The following SERINC5 variants were observed in gnomAD, a reference collection of about 807,000 sequenced individuals.
SERINC5 encodes the protein chromosome 5 open reading frame 12.
A neutral mutation model predicts 63.1 loss-of-function variants in SERINC5; 41 were observed. That is an observed-to-expected ratio of 0.65 (90% CI 0.51 to 0.84). The LOEUF (loss-of-function observed/expected upper bound fraction) is 0.84, where lower values mean the gene tolerates loss of function less well. SERINC5 is among the 40% of genes least tolerant of loss of function. The pLI is 0.00. For missense variants in SERINC5, 523 were observed against 573.0 expected (o/e 0.91, Z 0.89); for synonymous variants, 222 against 215.2 (o/e 1.03, Z -0.28).
At chr5:80,207,447 G>A (rs193158621) in intron 1 of SERINC5, among the ~76,000 whole-genome samples, 7 of 152,306 alleles carry the variant, frequency 4.6e-5, no homozygotes, top group Admixed American at 6.5e-5. Context: ...TCTCCACAGA[G>A]GGAAAAATAA....
At position 80,159,451 on chromosome 5, in the gene SERINC5, T is replaced by C. The variant is rs562291618; in HGVS notation, c.860-489A>G. Among the ~76,000 whole-genome samples the C allele has an allele frequency of 2.2e-4, 34 of 152,268 alleles. 1 individual carries two copies. In the South Asian group the frequency reaches 7.0e-3, roughly 32 times the overall value. On this transcript the variant is annotated intron_variant, in intron 7 of 11. Coordinates refer to ENST00000507668, the MANE Select transcript of SERINC5 (RefSeq NM_001174072.3). Reference sequence around the variant, plus strand: ...CCTGAGGTGTGTTTTTTTTTTAATGTGAGTGGCTACATGTGATATTGTGAA... The same window carrying C: ...CCTGAGGTGTGTTTTTTTTTTAATGCGAGTGGCTACATGTGATATTGTGAA...
intron 1 of SERINC5, among the ~76,000 whole-genome samples, chr5:80,209,965 C>T (rs576687943): frequency 1.4e-4 from 21 of 151,844 alleles, no homozygotes; most frequent in African/African-American, 4.6e-4. Flanking sequence ...GGAGGATTGC[C>T]TCCCAAATAG....
intron 12 of SERINC5, among the ~76,000 whole-genome samples, chr5:80,113,173 TG>T (rs1744189467): frequency 6.6e-6 from 1 of 152,218 alleles, no homozygotes. Flanking sequence ...ATTGGGATAT[TG>T]GAACAAAAGG....
chr5:80,178,196 C>CTTCTAAA, intron 2 of SERINC5, 132 bp from the exon 3 acceptor site: 2 of 540,218 alleles, frequency 3.7e-6, no homozygotes, highest in South Asian at 6.2e-5. Context: ...GACTGAGGAT[C>CTTCTAAA]TATCTTCTAA....
At chr5:80,235,108 G>GGGAA (rs1419949297) in intron 1 of SERINC5, among the ~76,000 whole-genome samples, 32 of 152,068 alleles carry the variant, frequency 2.1e-4, no homozygotes, top group Non-Finnish European at 3.1e-4. Context: ...CTGGGCCCTT[G>GGGAA]GGAACCACCT....
intron 1 of SERINC5, among the ~76,000 whole-genome samples, chr5:80,254,886 AAC>A (rs1752581299): frequency 6.6e-6 from 1 of 152,220 alleles, no homozygotes; most frequent in African/African-American, 2.4e-5. Flanking sequence ...CGGTTACAGA[AAC>A]CCACAGTTTA....
intron 7 of SERINC5, among the ~76,000 whole-genome samples, chr5:80,166,112 C>T (rs1468951348): frequency 6.6e-6 from 1 of 152,080 alleles, no homozygotes; most frequent in Non-Finnish European, 1.5e-5. Flanking sequence ...ACAAGCAATC[C>T]AATTATACTC....
chr5:80,246,387 C>T (rs1463863388), intron 1 of SERINC5, among the ~76,000 whole-genome samples: 1 of 152,170 alleles, frequency 6.6e-6, no homozygotes, highest in Non-Finnish European at 1.5e-5. Context: ...GATACTTAAA[C>T]ACAAGTCTGA....
intron 2 of SERINC5, among the ~76,000 whole-genome samples, chr5:80,182,433 A>G (rs148627921): frequency 2.4e-3 from 358 of 151,904 alleles, no homozygotes; most frequent in African/African-American, 8.3e-3. Context: ...TTTATTCACC[A>G]TACATTTCTT....
intron 1 of SERINC5, among the ~76,000 whole-genome samples, chr5:80,222,561 A>AGAGTGTGTGTGT (rs1326918451): frequency 1.4e-5 from 2 of 146,216 alleles, no homozygotes; most frequent in African/African-American, 5.1e-5. Flanking sequence ...TGAGTGTGTG[A>AGAGTGTGTGTGT]GTGTGTGAGT....
At chr5:80,136,777 T>C (rs73125940), downstream of SERINC5, among the ~76,000 whole-genome samples, 4,499 of 152,182 alleles carry the variant, frequency 0.03, 207 homozygotes, top group African/African-American at 0.1. Context: ...ACTTAAAAAG[T>C]TGACAAAGCA....
In SERINC5 at chr5:80,233,717, T is replaced by C. The variant is rs1751556461; in HGVS notation, c.27+22179A>G. Reference sequence around the variant, plus strand: ...ATTCCTAGGACTTTAGGAGCTGAAATTGCTTCATATGTTTCTTAAGTTATT... The same window carrying C: ...ATTCCTAGGACTTTAGGAGCTGAAACTGCTTCATATGTTTCTTAAGTTATT... On this transcript the variant is annotated intron_variant, in intron 1 of 11. Transcript: ENST00000507668. Among the ~76,000 whole-genome samples, 3 of 151,596 alleles carry C rather than the reference T, an allele frequency of 2.0e-5. No individual in the cohort carries two copies. In the South Asian group the frequency reaches 6.2e-4, roughly 32 times the overall value.
chr5:80,143,959 A>C, intron 11 of SERINC5, 149 bp from the exon 12 acceptor site: 1 of 939,232 alleles, frequency 1.1e-6, no homozygotes, highest in Non-Finnish European at 1.6e-6. Context: ...CCCATTTCCA[A>C]ACATTCTCAT....
downstream of SERINC5, among the ~76,000 whole-genome samples, chr5:80,137,634 C>A (rs1206567083): frequency 1.4e-5 from 1 of 69,198 alleles, no homozygotes; most frequent in Non-Finnish European, 3.5e-5. Flanking sequence ...CCAAGCAAGA[C>A]TCTAACTCAA....
At chr5:80,243,998 A>C (rs1752057465) in intron 1 of SERINC5, among the ~76,000 whole-genome samples, 1 of 152,128 alleles carries the variant, frequency 6.6e-6, no homozygotes, top group Admixed American at 6.6e-5. Context: ...GGCAGAACTT[A>C]AAGAATAGTT....
intron 1 of SERINC5, among the ~76,000 whole-genome samples, chr5:80,237,774 C>CA (rs956506709): frequency 6.6e-4 from 100 of 151,920 alleles, no homozygotes; most frequent in African/African-American, 2.2e-3. Flanking sequence ...AAAAAGAAGT[C>CA]AGAGACTCAG....
chr5:80,118,103 G>A (rs1580012052), intron 11 of SERINC5, among the ~76,000 whole-genome samples: 2 of 152,114 alleles, frequency 1.3e-5, no homozygotes, highest in East Asian at 1.9e-4. Flanking sequence ...CTCAGGAGGT[G>A]GAGGCAAGAG....
At chr5:80,243,136 C>T (rs1231470220) in intron 1 of SERINC5, among the ~76,000 whole-genome samples, 1 of 152,180 alleles carries the variant, frequency 6.6e-6, no homozygotes, top group Non-Finnish European at 1.5e-5. Flanking sequence ...AGGCAACATT[C>T]ATAAGTTCAA....
At chr5:80,232,063 C>T (rs887182238) in intron 1 of SERINC5, among the ~76,000 whole-genome samples, 4 of 146,738 alleles carry the variant, frequency 2.7e-5, no homozygotes, top group African/African-American at 1.0e-4. Flanking sequence ...GACTGTGCCA[C>T]CACACTCCAC....
Sources: allele counts gnomAD v4.1 joint callset (sites outside exome capture counted in the v4.1 genomes callset), GRCh38; gene constraint gnomAD v4.1.1; transcripts MANE v1.5; gene names NCBI Gene and HGNC (gene_info 2026-07-23, HGNC 2026-07-21).